Variants in NCOA3 observed in about 807,000 individuals in gnomAD.
NCOA3 encodes the protein CBP-interacting protein.
In NCOA3, 51 loss-of-function variants were observed where a neutral mutation model predicts 158.8. That is an observed-to-expected ratio of 0.32 (90% CI 0.26 to 0.41). The LOEUF (loss-of-function observed/expected upper bound fraction) is 0.41, where lower values mean the gene tolerates loss of function less well. Ranked by LOEUF, NCOA3 falls within the 10% of genes least tolerant of loss-of-function variation. NCOA3 has a pLI of 1.00. For synonymous variants in NCOA3, 537 were observed against 592.4 expected, an observed-to-expected ratio of 0.91 and a Z score of 1.36; for missense variants, 1,510 against 1,746.6, an observed-to-expected ratio of 0.86 and a Z score of 2.41.
intron 11 of NCOA3, 30 bp from the exon 12 acceptor site, chr20:47,635,861 T>C: frequency 1.3e-6 from 2 of 1,565,226 alleles, no homozygotes; most frequent in South Asian, 1.2e-5. Context: ...GGTAGTCTAA[T>C]TCTTTTCCTA....
In NCOA3 at chr20:47,501,974, G is replaced by A. The variant is rs1192683860; in HGVS notation, c.-144G>A. On this transcript the variant is annotated 5_prime_UTR_variant, in exon 1 of 23. Coordinates refer to ENST00000371998, the MANE Select transcript of NCOA3 (RefSeq NM_181659.3). ...CGGCGGCGGCTGCGGGCTGAGCGGC[G>A]AGTTTCCGATTTAAAGCTGAGCTGC... 2.5e-6 allele frequency: 1 copy of A among 399,980 alleles called. No individual in the cohort carries two copies. The highest frequency in any genetic ancestry group is 2.1e-5 in the African/African-American group (1 of 48,638). 24.8% of individuals were successfully genotyped at this position (399,980 alleles called of 1,614,324 possible). A position where few individuals can be genotyped will look rare whatever the true frequency, so the allele number is the denominator to read the frequency against.
At chr20:47,584,671 A>G (rs2085506962) in intron 2 of NCOA3, among the ~76,000 whole-genome samples, 1 of 151,942 alleles carries the variant, frequency 6.6e-6, no homozygotes, top group Non-Finnish European at 1.5e-5. Flanking sequence ...ATTATTCATT[A>G]AGTGGATCAT....
At chr20:47,507,339 C>G (rs970825258) in intron 1 of NCOA3, among the ~76,000 whole-genome samples, 2 of 152,120 alleles carry the variant, frequency 1.3e-5, no homozygotes, top group African/African-American at 2.4e-5. Flanking sequence ...ATCTTTAATG[C>G]TTTTACCTTT....
At chr20:47,634,920 C>CTTTTTTTT (rs66801245) in intron 10 of NCOA3, among the ~76,000 whole-genome samples, 4 of 120,128 alleles carry the variant, frequency 3.3e-5, no homozygotes, top group Non-Finnish European at 5.1e-5. Flanking sequence ...TTCTCTTCTT[C>CTTTTTTTT]TTTTTTTTTT....
rs1004715194 is a variant in NCOA3 at position 47,518,790 on chromosome 20, C to T, written c.-99+16771C>T. On this transcript the variant is annotated intron_variant, in intron 1 of 22. Coordinates refer to ENST00000371998, the MANE Select transcript of NCOA3 (RefSeq NM_181659.3). ...CCTTCAAGAAATAGACAATTTGAAT[C>T]CACGCTACCAATCAAGAAGTACTGA... Among the ~76,000 whole-genome samples the T allele has an allele frequency of 3.9e-5, 6 of 152,206 alleles. No individual in the cohort carries two copies. The East Asian group carries it at 1.2e-3, about 29-fold the overall frequency.
chr20:47,580,584 T>C (rs1224619789), intron 1 of NCOA3, among the ~76,000 whole-genome samples: 1 of 151,312 alleles, frequency 6.6e-6, no homozygotes, highest in African/African-American at 2.4e-5. Flanking sequence ...AAAAAATCCT[T>C]TCCTTATCCC....
chr20:47,535,055 T>C (rs2425947), intron 1 of NCOA3, among the ~76,000 whole-genome samples: 1 of 151,806 alleles, frequency 6.6e-6, no homozygotes, highest in Admixed American at 6.6e-5. Flanking sequence ...TTAGCGTTAT[T>C]ATTATTCTTA....
At position 47,623,906 on chromosome 20, in the gene NCOA3, C is replaced by T. The variant is rs752918151; in HGVS notation, c.84-5C>T. The stretch of plus-strand genomic sequence containing the variant: ...TTTCCCCCCTTTCTACGCCTTTTCC[C>T]TTAGTCTTACCTGCAGTGGTGAAAA... On this transcript the variant is annotated splice_region_variant and splice_polypyrimidine_tract_variant and intron_variant, in intron 3 of 22. Transcript: ENST00000371998. 6.2e-7 allele frequency: 1 copy of T among 1,606,790 alleles called. No individual in the cohort carries two copies. Among genetic ancestry groups the T allele is most frequent in the East Asian group, 2.2e-5 (1 of 44,794 alleles).
At chr20:47,638,884 G>GAAGACAGTGTTTGTTTTTGTAAGA (rs1242178086) in intron 13 of NCOA3, 124 bp from the exon 14 acceptor site, 30 of 796,592 alleles carry the variant, frequency 3.8e-5, no homozygotes, top group Non-Finnish European at 2.2e-5. Flanking sequence ...TTTTGTAAAG[G>GAAGACAGTGTTTGTTTTTGTAAGA]AAGACAGTGT....
intron 1 of NCOA3, among the ~76,000 whole-genome samples, chr20:47,516,879 G>A (rs1237544673): frequency 1.4e-5 from 2 of 145,804 alleles, no homozygotes; most frequent in Non-Finnish European, 3.0e-5. Context: ...CCAAGATCAC[G>A]CCACTGCCCT....
At chr20:47,644,411 C>T (rs923734966) in intron 17 of NCOA3, among the ~76,000 whole-genome samples, 2 of 152,100 alleles carry the variant, frequency 1.3e-5, no homozygotes, top group South Asian at 2.1e-4. Context: ...AGTGGGATTA[C>T]AGGCTGGGAT....
intron 3 of NCOA3, chr20:47,623,041 TTAAGAATGGG>T: frequency 6.6e-6 from 1 of 152,344 alleles, no homozygotes; most frequent in Middle Eastern, 3.4e-3. Flanking sequence ...TTGCTATCTT[TTAAGAATGGG>T]TTATAAGTTG....
At position 47,649,120 on chromosome 20, in the gene NCOA3, T is replaced by C; in HGVS notation, c.3651+11T>C. 1 of 1,578,506 alleles carries C rather than the reference T, an allele frequency of 6.3e-7. No homozygotes were observed. Among genetic ancestry groups the C allele is most frequent in the Non-Finnish European group, 8.7e-7 (1 of 1,149,406 alleles). On this transcript the variant is annotated intron_variant, in intron 19 of 22. Coordinates refer to ENST00000371998, the MANE Select transcript of NCOA3 (RefSeq NM_181659.3). ...CAGGTGAGCTCCCAGGTGAGGATGA[T>C]AAGCCTCTCCACATGCATTGCTCTG...
At chr20:47,604,384 T>A (rs1164648514) in intron 2 of NCOA3, among the ~76,000 whole-genome samples, 1 of 152,206 alleles carries the variant, frequency 6.6e-6, no homozygotes, top group African/African-American at 2.4e-5. Flanking sequence ...GATTCGTTGT[T>A]TTCTTGTTCA....
At chr20:47,536,002 G>T (rs1044770110) in intron 1 of NCOA3, among the ~76,000 whole-genome samples, 1 of 152,118 alleles carries the variant, frequency 6.6e-6, no homozygotes, top group African/African-American at 2.4e-5. Flanking sequence ...GTCTGTCAGT[G>T]TGCTGTTCTG....
intron 2 of NCOA3, among the ~76,000 whole-genome samples, chr20:47,602,024 A>G (rs765477687): frequency 6.6e-6 from 1 of 152,256 alleles, no homozygotes; most frequent in Non-Finnish European, 1.5e-5. Flanking sequence ...TATCATTAAT[A>G]TAAGAAACTA....
intron 2 of NCOA3, among the ~76,000 whole-genome samples, chr20:47,613,803 C>T (rs777382178): frequency 2.5e-4 from 38 of 151,140 alleles, no homozygotes; most frequent in African/African-American, 8.5e-4. Flanking sequence ...CCCAGCTACT[C>T]GGGAGGCTGA....
At position 47,650,984 on chromosome 20, in the gene NCOA3, G is replaced by A; in HGVS notation, c.3654G>A (p.Gln1218=). 1.2e-6 allele frequency: 2 copies of A among 1,613,540 alleles called. No homozygotes were observed. The highest frequency in any genetic ancestry group is 1.7e-6 in the Non-Finnish European group (2 of 1,179,464). Residue 1218 remains glutamine (Q), a splice_region_variant and synonymous_variant, in exon 20 of 23, where the codon CAG becomes CAA. Transcript: ENST00000371998. ...PMMQPQVSSQ[Q]GFLNAQMVAQ... is the part of the protein sequence containing the mutation. ...TTGCACTCTTTCTTGGGTATTAGCAGGGTTTTCTTAATGCTCAAATGGTCG... is the reference window on the plus strand; with the variant it reads ...TTGCACTCTTTCTTGGGTATTAGCAAGGTTTTCTTAATGCTCAAATGGTCG...
At chr20:47,518,244 A>G (rs544545050) in intron 1 of NCOA3, among the ~76,000 whole-genome samples, 16 of 151,512 alleles carry the variant, frequency 1.1e-4, no homozygotes, top group Admixed American at 5.3e-4. Flanking sequence ...CACTCAGGAG[A>G]CTGAGGTGGG....
Sources: allele counts gnomAD v4.1 joint callset (sites outside exome capture counted in the v4.1 genomes callset), GRCh38; gene constraint gnomAD v4.1.1; transcripts MANE v1.5; gene names NCBI Gene and HGNC (gene_info 2026-07-23, HGNC 2026-07-21).